Variants in ABCC9 observed in about 807,000 individuals in gnomAD.
ABCC9 encodes ATP binding cassette subfamily C member 9.
Under a neutral mutation model 188.3 loss-of-function variants are expected in ABCC9, and 95 were observed. The ratio of observed to expected loss-of-function variants is 0.50; its 90% CI spans 0.43 to 0.60. The LOEUF (loss-of-function observed/expected upper bound fraction) is 0.60, where lower values mean the gene tolerates loss of function less well. Among genes scored for constraint, ABCC9 ranks in the 20% least tolerant of loss-of-function variants. The probability of loss-of-function intolerance (pLI) is 0.00; values close to 1 mark genes in which losing one functional copy is unlikely to be tolerated. For missense variants in ABCC9, 1,102 were observed against 1,876.3 expected (o/e 0.59, Z 7.62); for synonymous variants, 659 against 652.7 (o/e 1.01, Z -0.15).
intron 16 of ABCC9, among the ~76,000 whole-genome samples, chr12:21,878,025 T>A (rs1242002335): frequency 1.3e-5 from 2 of 151,640 alleles, no homozygotes; most frequent in African/African-American, 4.9e-5. Context: ...AAAAAAACAA[T>A]GACCGTGAAA....
intron 4 of ABCC9, among the ~76,000 whole-genome samples, chr12:21,930,045 C>T (rs1332572184): frequency 6.9e-6 from 1 of 145,976 alleles, no homozygotes; most frequent in East Asian, 2.1e-4. Flanking sequence ...CAAGTGTTCT[C>T]ATTGTTCAAG....
At chr12:21,903,762 T>G (rs1357429354) in intron 12 of ABCC9, among the ~76,000 whole-genome samples, 2 of 152,192 alleles carry the variant, frequency 1.3e-5, no homozygotes, top group Admixed American at 6.5e-5. Context: ...TACAAACCAC[T>G]GCTCAATGAA....
Position 21,874,599 on chromosome 12 carries a change from G to A in ABCC9, c.2092+1055C>T, listed in dbSNP as rs1398593403. Among the ~76,000 whole-genome samples the A allele has an allele frequency of 2.0e-5, 3 of 152,132 alleles. No homozygotes were observed. The South Asian group carries it at 6.2e-4, about 32-fold the overall frequency. On this transcript the variant is annotated intron_variant, in intron 17 of 39. Coordinates refer to ENST00000261200, the MANE Select transcript of ABCC9 (RefSeq NM_020297.4). ...CATCATTCACAATAGCCAAGATACT[G>A]AAACAACCCAAATGTCCATTGACAG...
At chr12:21,842,585 G>T (rs1944450528) in intron 28 of ABCC9, 114 bp from the exon 29 acceptor site, 3 of 1,013,328 alleles carry the variant, frequency 3.0e-6, no homozygotes, top group African/African-American at 1.6e-5. Context: ...CCAAAGTAGT[G>T]TATAAGCATG....
rs376959028 is a variant in ABCC9, at chr12:21,862,912, A to G, written c.2339+41T>C. On this transcript the variant is annotated intron_variant, in intron 20 of 39. Transcript: ENST00000261200. ...ATTCCCAAACACACGAGTCAGAAAG[A>G]GTTGCCATTTTGGTTCTAAATTTTA... 5.9e-5 allele frequency: 74 copies of G among 1,259,368 alleles called. No homozygotes were observed. In the African/African-American group the frequency reaches 9.1e-4, roughly 16 times the overall value. 78.0% of individuals were successfully genotyped at this position (1,259,368 alleles called of 1,614,324 possible). A position where few individuals can be genotyped will look rare whatever the true frequency, so the allele number is the denominator to read the frequency against.
chr12:21,797,541 G>A lies in ABCC9; in HGVS notation c.*3503C>T, dbSNP rs1449319019. On this transcript the variant is annotated 3_prime_UTR_variant, in exon 40 of 40. Transcript: ENST00000261200. ...TAAACACAACATAGAAAAGGAAAGA[G>A]AATAACCTATAGTTATAGGCACATG... 1 of 152,092 alleles carries A rather than the reference G, an allele frequency of 6.6e-6. No homozygotes were observed. The highest frequency in any genetic ancestry group is 1.5e-5 in the Non-Finnish European group (1 of 68,032). 9.4% of individuals were successfully genotyped at this position (152,092 alleles called of 1,614,324 possible).
chr12:21,927,645 G>C (rs1178927576), intron 4 of ABCC9, among the ~76,000 whole-genome samples: 2 of 152,152 alleles, frequency 1.3e-5, no homozygotes, highest in Admixed American at 6.5e-5. Flanking sequence ...TTGGAAAGAG[G>C]AGCTAATAAG....
At chr12:21,836,945 A>G (rs779565183) in intron 30 of ABCC9, among the ~76,000 whole-genome samples, 8 of 152,296 alleles carry the variant, frequency 5.3e-5, no homozygotes, top group Non-Finnish European at 1.0e-4. Context: ...GGAGGGCAAC[A>G]GTGCCACTTT....
intron 23 of ABCC9, 62 bp from the exon 24 acceptor site, chr12:21,852,284 C>A: frequency 6.2e-7 from 1 of 1,613,068 alleles, no homozygotes; most frequent in Non-Finnish European, 8.5e-7. Flanking sequence ...AATGAACTAC[C>A]TTTATTTCAG....
intron 25 of ABCC9, 23 bp downstream of exon 25, chr12:21,848,127 C>A (rs1425497568): frequency 1.2e-6 from 2 of 1,600,432 alleles, no homozygotes; most frequent in Non-Finnish European, 1.7e-6. Context: ...TAGAATGTTC[C>A]AGATAAAAGA....
rs1400085276 is a variant in ABCC9, at chr12:21,906,164, G to T, written c.1580C>A (p.Ser527Tyr). The T allele has an allele frequency of 1.2e-6, 2 of 1,613,108 alleles. No individual in the cohort carries two copies. Among genetic ancestry groups the T allele is most frequent in the African/African-American group, 2.7e-5 (2 of 74,890 alleles). The stretch of plus-strand genomic sequence containing the variant: ...ATATAGTGCAAAGGTTTTGAGACTA[G>T]ATAGTTCTTTCATTCTTGTTTCCTC... The part of the protein sequence containing the change: ...SVEETRMKEL[S>Y]SLKTFALYTS... The change falls in exon 12 of 40, where the codon TCT becomes TAT. Residue 527 changes from serine (S) to tyrosine (Y), a missense_variant. Transcript: ENST00000261200.
chr12:21,885,722 C>T (rs916284256), intron 15 of ABCC9, among the ~76,000 whole-genome samples: 2 of 152,170 alleles, frequency 1.3e-5, no homozygotes, highest in South Asian at 4.1e-4. Context: ...ATAAACATGG[C>T]TGGTGGTCCC....
chr12:21,824,744 ATTCAT>A, intron 31 of ABCC9, among the ~76,000 whole-genome samples: 1 of 152,154 alleles, frequency 6.6e-6, no homozygotes, highest in South Asian at 2.1e-4. Context: ...CCAGAAATTT[ATTCAT>A]TTCTTCTAGA....
chr12:21,854,935 A>C (rs886076223), intron 22 of ABCC9, among the ~76,000 whole-genome samples: 3 of 152,166 alleles, frequency 2.0e-5, no homozygotes, highest in South Asian at 4.1e-4. Context: ...TCCATCACCA[A>C]CAATGCAGCA....
At chr12:21,828,345 C>T (rs902214202) in intron 31 of ABCC9, 1 of 154,842 alleles carries the variant, frequency 6.5e-6, no homozygotes, top group Admixed American at 6.3e-5. Context: ...ATGCATTTGC[C>T]AATCAGTGTA....
intron 16 of ABCC9, among the ~76,000 whole-genome samples, chr12:21,875,987 G>A (rs1430583051): frequency 6.6e-6 from 1 of 152,126 alleles, no homozygotes; most frequent in Non-Finnish European, 1.5e-5. Flanking sequence ...GGGAGGCTGA[G>A]GCTGCAGTGA....
chr12:21,812,691 G>A (rs1942327278), intron 35 of ABCC9, among the ~76,000 whole-genome samples: 1 of 152,044 alleles, frequency 6.6e-6, no homozygotes, highest in Admixed American at 6.6e-5. Context: ...ACACACTGGG[G>A]CCTCTCGAGG....
intron 2 of ABCC9, among the ~76,000 whole-genome samples, chr12:21,938,845 A>G (rs918626463): frequency 3.3e-5 from 5 of 152,174 alleles, no homozygotes; most frequent in African/African-American, 9.7e-5. Flanking sequence ...GTTGTGTGTA[A>G]CTGGAAAAAA....
chr12:21,910,755 A>G, intron 9 of ABCC9, 71 bp downstream of exon 9: 1 of 1,387,840 alleles, frequency 7.2e-7, no homozygotes, highest in Non-Finnish European at 1.0e-6. Context: ...AACTGAAGCT[A>G]CCGCTATTCT....
Sources: allele counts gnomAD v4.1 joint callset (sites outside exome capture counted in the v4.1 genomes callset), GRCh38; gene constraint gnomAD v4.1.1; transcripts MANE v1.5; gene names NCBI Gene and HGNC (gene_info 2026-07-23, HGNC 2026-07-21).